Variants in DNAH10 observed in about 807,000 individuals in gnomAD.
The protein encoded by DNAH10 is dynein axonemal heavy chain 10.
In DNAH10, 348 loss-of-function variants were observed where a neutral mutation model predicts 506.6. The observed-to-expected ratio is 0.69, with a 90% CI of 0.63 to 0.75. DNAH10 has a LOEUF of 0.75. Ranked by LOEUF, DNAH10 falls within the 30% of genes least tolerant of loss-of-function variation. The probability of loss-of-function intolerance (pLI) is 0.00; values close to 1 mark genes in which losing one functional copy is unlikely to be tolerated. For synonymous variants in DNAH10, 2,059 were observed against 2,198.6 expected, an observed-to-expected ratio of 0.94 and a Z score of 1.78; for missense variants, 5,179 against 5,787.1, an observed-to-expected ratio of 0.89 and a Z score of 3.41.
Position 123,913,227 on chromosome 12 carries a change from C to T in DNAH10, c.10264C>T (p.Gln3422Ter), listed in dbSNP as rs1376964571. Residue 3422 changes from glutamine to a stop codon, truncating the protein, a stop_gained, in exon 60 of 79, where the codon CAG (glutamine) becomes TAG (stop). Coordinates refer to ENST00000673944, the MANE Select transcript of DNAH10 (RefSeq NM_001372106.1). LOFTEE classifies it high-confidence loss of function. The surrounding 1 kb of genome is among the most constrained non-coding windows in gnomAD (Gnocchi z 5.1). ...ATATGAGGCCGCCATACTGGAAAAG[C>T]AGAAGCTGCAGGAAGAAGCCGAGAT... ...AKYEAAILEK[Q>*]KLQEEAEIME... 2.5e-6 allele frequency: 4 copies of T among 1,609,694 alleles called. No individual in the cohort carries two copies. Among genetic ancestry groups the T allele is most frequent in the African/African-American group, 1.3e-5 (1 of 74,864 alleles).
At chr12:123,898,605 CG>C (rs1953365454) in intron 55 of DNAH10, 47 bp from the exon 56 acceptor site, 2 of 1,449,772 alleles carry the variant, frequency 1.4e-6, no homozygotes, top group Non-Finnish European at 1.8e-6. Flanking sequence ...GATTGTGTTG[CG>C]AACAGTGGCC....
intron 73 of DNAH10, 48 bp downstream of exon 73, chr12:123,930,621 G>A (rs1484764409): frequency 1.3e-6 from 2 of 1,587,070 alleles, no homozygotes; most frequent in East Asian, 2.3e-5. Flanking sequence ...TTTTTCTAAG[G>A]GAGACCATAC....
Position 123,929,421 on chromosome 12 carries a change from G to A in DNAH10, c.12453G>A (p.Glu4151=). 1.2e-6 allele frequency: 2 copies of A among 1,613,740 alleles called. No individual in the cohort carries two copies. The highest frequency in any genetic ancestry group is 1.7e-6 in the Non-Finnish European group (2 of 1,179,802). ...VLAFFHAVVQ[E]RRKFGKIGWN... ...CGTTCTTTCATGCTGTGGTGCAGGA[G>A]AGAAGGAAGTTTGGGAAGATTGGCT... Residue 4151 remains glutamate (E), a synonymous_variant, in exon 71 of 79, where the codon GAG becomes GAA. Transcript: ENST00000673944.
chr12:123,818,926 C>A, intron 21 of DNAH10, 24 bp from the exon 22 acceptor site: 1 of 1,480,130 alleles, frequency 6.8e-7, no homozygotes, highest in Non-Finnish European at 9.3e-7. Flanking sequence ...GTTGTTTATT[C>A]TGTTTTTTGT....
intron 44 of DNAH10, among the ~76,000 whole-genome samples, 154 bp from the exon 45 acceptor site, chr12:123,871,303 T>C (rs1346365924): frequency 2.0e-5 from 3 of 152,224 alleles, no homozygotes; most frequent in Admixed American, 2.0e-4. Context: ...CAATCAGTTA[T>C]ACACTTCAAT....
At chr12:123,851,314 T>C (rs4601866) in intron 35 of DNAH10, among the ~76,000 whole-genome samples, 135,077 of 140,260 alleles carry the variant, frequency 0.96, 65,146 homozygotes, top group Middle Eastern at 1. Flanking sequence ...GGACCTAGGA[T>C]GTGTTAGCTC....
chr12:123,788,212 A>G (rs752399322), intron 10 of DNAH10, among the ~76,000 whole-genome samples: 13 of 152,180 alleles, frequency 8.5e-5, no homozygotes, highest in Non-Finnish European at 1.9e-4. Flanking sequence ...GCTTTCTCTG[A>G]CATTCTTCCC....
rs761606123 is a variant in DNAH10 at position 123,902,543 on chromosome 12, C to T, written c.9641-396C>T. 3.9e-5 allele frequency among the ~76,000 whole-genome samples: 6 copies of T among 152,202 alleles called. No individual in the cohort carries two copies. Among genetic ancestry groups the T allele is most frequent in the Admixed American group, 2.0e-4 (3 of 15,282 alleles). On this transcript the variant is annotated intron_variant, in intron 56 of 78. Transcript: ENST00000673944. This position sits in a 1 kb window ranked among gnomAD's most constrained non-coding sequence, Gnocchi z 4.5. ...CTTAGAGGGTGGCTCTGGCTGGGCCCGAGTGAGCGTAGGAAGAGGCGATGA... is the reference window on the plus strand; with the variant it reads ...CTTAGAGGGTGGCTCTGGCTGGGCCTGAGTGAGCGTAGGAAGAGGCGATGA...
At chr12:123,857,663 G>A (rs1951449988) in intron 37 of DNAH10, among the ~76,000 whole-genome samples, 1 of 152,252 alleles carries the variant, frequency 6.6e-6, no homozygotes, top group East Asian at 1.9e-4. Flanking sequence ...GCGAGGTGGA[G>A]GTTGCAGTGA....
chr12:123,847,826 T>C, intron 32 of DNAH10, 135 bp from the exon 33 acceptor site: 1 of 1,224,052 alleles, frequency 8.2e-7, no homozygotes, highest in Non-Finnish European at 1.1e-6. Context: ...TGTGGCCCAG[T>C]CAAGTTGACA....
chr12:123,896,719 GA>G (rs60387471), intron 54 of DNAH10, among the ~76,000 whole-genome samples: 15,440 of 92,108 alleles, frequency 0.17, 1,296 homozygotes, highest in African/African-American at 0.31. Flanking sequence ...CCTGTCTCAA[GA>G]AAAAAAAAAA....
chr12:123,883,885 G>A (rs1166064280), intron 51 of DNAH10, among the ~76,000 whole-genome samples: 2 of 152,032 alleles, frequency 1.3e-5, no homozygotes, highest in African/African-American at 4.8e-5. Flanking sequence ...GGTGCAGGAC[G>A]GGATCTGTAT....
intron 23 of DNAH10, 52 bp from the exon 24 acceptor site, chr12:123,820,528 T>C: frequency 6.4e-7 from 1 of 1,550,908 alleles, no homozygotes. Flanking sequence ...TTATTCAATT[T>C]TGTACACCTT....
At chr12:123,781,806 T>C (rs1957663507) in intron 6 of DNAH10, among the ~76,000 whole-genome samples, 1 of 152,184 alleles carries the variant, frequency 6.6e-6, no homozygotes, top group African/African-American at 2.4e-5. Flanking sequence ...CATTGTTTTC[T>C]AGTAGTCAAC....
chr12:123,826,798 C>T lies in DNAH10; in HGVS notation c.4291C>T (p.Arg1431Cys), dbSNP rs759236507. Residue 1431 changes from arginine (R) to cysteine (C), a missense_variant, in exon 25 of 79, where the codon CGT (arginine) becomes TGT (cysteine). Physicochemically the swap from Arg to Cys is radical, Grantham distance 180. Coordinates refer to ENST00000673944, the MANE Select transcript of DNAH10 (RefSeq NM_001372106.1). ...RALRKLPRPV[R>C]GLSVTYYLEA... is the part of the protein sequence containing the mutation. ...TCTCAGAAAGCTACCTCGGCCAGTC[C>T]GTGGCTTATCAGTGACCTACTACTT... The T allele has an allele frequency of 2.7e-5, 43 of 1,613,964 alleles. No individual in the cohort carries two copies. The highest frequency in any genetic ancestry group is 4.5e-5 in the East Asian group (2 of 44,886).
Position 123,925,380 on chromosome 12 carries a change from C to T in DNAH10, c.11921+176C>T. The T allele has an allele frequency of 1.2e-6, 1 of 835,788 alleles. No individual in the cohort carries two copies. The allele number at this position is 835,788 out of a possible 1,614,324, so 51.8% of individuals were successfully genotyped here. On this transcript the variant is annotated intron_variant, in intron 68 of 78. Coordinates refer to ENST00000673944, the MANE Select transcript of DNAH10 (RefSeq NM_001372106.1). This position sits in a 1 kb window ranked among gnomAD's most constrained non-coding sequence, Gnocchi z 4.0. ...AATTCTTCAATATTCTAGAACAGTG[C>T]TAGTCATAAGAAATTCAGTGTGAGC...
intron 60 of DNAH10, among the ~76,000 whole-genome samples, chr12:123,914,120 G>C (rs975772037): frequency 2.6e-5 from 4 of 152,218 alleles, no homozygotes; most frequent in Non-Finnish European, 4.4e-5. Context: ...CCCCCTGCTT[G>C]ATGCTGGCTC....
At chr12:123,868,934 C>T (rs956783107) in intron 43 of DNAH10, among the ~76,000 whole-genome samples, 4 of 152,246 alleles carry the variant, frequency 2.6e-5, no homozygotes, top group African/African-American at 4.8e-5. Context: ...CCGCCAGCCA[C>T]GCTGGCTGTG....
rs368733489 is a variant in DNAH10, at chr12:123,933,525, G to A, written c.13477+14G>A. 1.8e-5 allele frequency: 28 copies of A among 1,576,252 alleles called. No homozygotes were observed. Among genetic ancestry groups the A allele is most frequent in the African/African-American group, 1.4e-4 (10 of 73,782 alleles). On this transcript the variant is annotated intron_variant, in intron 77 of 78. Transcript: ENST00000673944. ...GGGCGGGACAAGGTACCGTCAGCTCGTTAGGGATCCACAGCCTCTCACTTA... is the reference window on the plus strand; with the variant it reads ...GGGCGGGACAAGGTACCGTCAGCTCATTAGGGATCCACAGCCTCTCACTTA...
Sources: gnomAD v4.1 joint callset for allele counts (sites outside exome capture counted in the v4.1 genomes callset) on GRCh38, gnomAD v4.1.1 for gene constraint, Gnocchi (gnomAD v3.1) non-coding constraint, MANE v1.5 for transcripts, NCBI Gene and HGNC (gene_info 2026-07-23, HGNC 2026-07-21) for gene names.